AMPH: variants seen among roughly 807,000 people sequenced by gnomAD.
The protein encoded by AMPH is amphiphysin (Stiff-Mann syndrome with breast cancer 128kD autoantigen).
In AMPH, 49 loss-of-function variants were observed where a neutral mutation model predicts 99.1. The ratio of observed to expected loss-of-function variants is 0.49; its 90% CI spans 0.39 to 0.63. The LOEUF (loss-of-function observed/expected upper bound fraction) is 0.63, where lower values mean the gene tolerates loss of function less well. Among genes scored for constraint, AMPH ranks in the 20% least tolerant of loss-of-function variants. The pLI is 0.00. For synonymous variants in AMPH, 314 were observed against 317.3 expected, an observed-to-expected ratio of 0.99 and a Z score of 0.11; for missense variants, 759 against 863.4, an observed-to-expected ratio of 0.88 and a Z score of 1.52.
intron 7 of AMPH, among the ~76,000 whole-genome samples, chr7:38,469,761 T>G (rs1298220496): frequency 6.6e-6 from 1 of 152,104 alleles, no homozygotes; most frequent in African/African-American, 2.4e-5. Context: ...ACACAGTAGA[T>G]CTCAACAACC....
intron 11 of AMPH, among the ~76,000 whole-genome samples, chr7:38,441,074 A>G (rs1786487554): frequency 6.6e-6 from 1 of 152,134 alleles, no homozygotes; most frequent in African/African-American, 2.4e-5. Context: ...AAAGGATATA[A>G]AGGATGCACC....
chr7:38,392,443 A>C (rs1240085312), intron 18 of AMPH, among the ~76,000 whole-genome samples: 1 of 131,532 alleles, frequency 7.6e-6, no homozygotes, highest in Non-Finnish European at 1.5e-5. Flanking sequence ...CTGGAGTGCA[A>C]TGACGCGATC....
chr7:38,585,151 T>C (rs1792599460), intron 1 of AMPH, among the ~76,000 whole-genome samples: 3 of 152,152 alleles, frequency 2.0e-5, no homozygotes, highest in Admixed American at 6.6e-5. Flanking sequence ...GTAAGAAGTA[T>C]CTCATTTCCC....
chr7:38,459,371 A>C (rs1051047234), intron 11 of AMPH, among the ~76,000 whole-genome samples: 1 of 152,208 alleles, frequency 6.6e-6, no homozygotes, highest in African/African-American at 2.4e-5. Flanking sequence ...AAACCAAAAA[A>C]AGAGCCAAAA....
chr7:38,466,274 A>T (rs1201858535), intron 7 of AMPH, 26 bp from the exon 8 acceptor site: 1 of 1,551,360 alleles, frequency 6.4e-7, no homozygotes, highest in Non-Finnish European at 8.7e-7. Context: ...ACAAAGAGGA[A>T]AGAAGAGAGA....
At chr7:38,466,299 A>G (rs1787650841) in intron 7 of AMPH, 51 bp from the exon 8 acceptor site, 2 of 1,426,846 alleles carry the variant, frequency 1.4e-6, no homozygotes, top group Middle Eastern at 1.8e-4. Flanking sequence ...AAGACCAGTC[A>G]GTAAAAATAA....
chr7:38,475,853 T>C (rs971472647), intron 6 of AMPH, among the ~76,000 whole-genome samples: 3 of 152,192 alleles, frequency 2.0e-5, no homozygotes, highest in Admixed American at 2.0e-4. Context: ...AAGGTAATTT[T>C]TTAACTGAAT....
intron 14 of AMPH, among the ~76,000 whole-genome samples, chr7:38,427,583 C>A (rs1166680290): frequency 6.6e-6 from 1 of 151,074 alleles, no homozygotes; most frequent in Non-Finnish European, 1.5e-5. Context: ...CCAACACAAT[C>A]ATTCCGCTTT....
rs1362172691 is a variant in AMPH at position 38,540,609 on chromosome 7, T to C, written c.70-5598A>G. ...AAAGTCAAAGATAAAGTTCACAATC[T>C]TCCATTCCACACAGAAATAACTTCT... On this transcript the variant is annotated intron_variant, in intron 1 of 20. Coordinates refer to ENST00000356264, the MANE Select transcript of AMPH (RefSeq NM_001635.4). Among the ~76,000 whole-genome samples the C allele has an allele frequency of 9.9e-5, 14 of 141,574 alleles. No homozygotes were observed. The East Asian group carries it at 2.2e-3, about 22-fold the overall frequency. The allele number at this position is 141,574 out of a possible 152,430, so 92.9% of individuals were successfully genotyped here. A position where few individuals can be genotyped will look rare whatever the true frequency, so the allele number is the denominator to read the frequency against.
intron 18 of AMPH, 98 bp from the exon 19 acceptor site, chr7:38,392,115 GCT>G: frequency 2.3e-6 from 3 of 1,288,726 alleles, no homozygotes; most frequent in Non-Finnish European, 3.2e-6. Context: ...CAAAGCTGGG[GCT>G]GCCACTTCCA....
At chr7:38,429,124 A>T in intron 14 of AMPH, 3 of 1,289,960 alleles carry the variant, frequency 2.3e-6, no homozygotes, top group Non-Finnish European at 3.0e-6. Context: ...TCTTCATCTG[A>T]CTTCTTCATA....
At chr7:38,474,017 A>C (rs943717708) in intron 7 of AMPH, among the ~76,000 whole-genome samples, 1 of 152,042 alleles carries the variant, frequency 6.6e-6, no homozygotes, top group African/African-American at 2.4e-5. Flanking sequence ...CTGAAAGAAA[A>C]GGTGTACAGC....
chr7:38,591,637 C>G (rs924459198), intron 1 of AMPH, among the ~76,000 whole-genome samples: 1 of 152,084 alleles, frequency 6.6e-6, no homozygotes, highest in African/African-American at 2.4e-5. Context: ...GAAAGGGTCC[C>G]AAAAGTGGAA....
chr7:38,503,503 T>G (rs10225047), intron 3 of AMPH, 147 bp downstream of exon 3: 449,651 of 483,984 alleles, frequency 0.93, 208,250 homozygotes, highest in Admixed American at 0.94. Context: ...GGCGGGGGGG[T>G]GGGTGGTGGA....
chr7:38,496,529 T>C (rs1218287167), intron 3 of AMPH, among the ~76,000 whole-genome samples: 1 of 152,142 alleles, frequency 6.6e-6, no homozygotes, highest in Non-Finnish European at 1.5e-5. Context: ...GGGACTCTGA[T>C]GAAACAGAGT....
intron 2 of AMPH, among the ~76,000 whole-genome samples, chr7:38,530,532 T>C (rs910886330): frequency 1.3e-5 from 2 of 152,150 alleles, no homozygotes; most frequent in Non-Finnish European, 2.9e-5. Context: ...TGGATGAGGG[T>C]GCTCCCACCT....
chr7:38,535,104 C>T (rs183550078), intron 1 of AMPH, 93 bp from the exon 2 acceptor site: 1 of 1,128,240 alleles, frequency 8.9e-7, no homozygotes, highest in African/African-American at 1.6e-5. Context: ...TGTTGTTTTG[C>T]TCTGAGGAGT....
intron 5 of AMPH, among the ~76,000 whole-genome samples, chr7:38,485,735 G>A (rs1788465760): frequency 6.6e-6 from 1 of 151,842 alleles, no homozygotes; most frequent in African/African-American, 2.4e-5. Context: ...CACAAAACAA[G>A]TCTTAACAAA....
At chr7:38,466,150 C>T (rs774494106) in intron 8 of AMPH, 23 bp downstream of exon 8, 13 of 1,588,214 alleles carry the variant, frequency 8.2e-6, no homozygotes, top group Non-Finnish European at 1.0e-5. Flanking sequence ...ATTCCATATG[C>T]AAAAATTATC....
Sources: allele counts gnomAD v4.1 joint callset (sites outside exome capture counted in the v4.1 genomes callset), GRCh38; gene constraint gnomAD v4.1.1; transcripts MANE v1.5; gene names NCBI Gene and HGNC (gene_info 2026-07-23, HGNC 2026-07-21).